Variants in SS18 observed in about 807,000 individuals in gnomAD.
SS18 encodes SS18 subunit of BAF chromatin remodeling complex.
In SS18, 28 loss-of-function variants were observed where a neutral mutation model predicts 72.5. The observed-to-expected ratio is 0.39, with a 90% CI of 0.29 to 0.53. The LOEUF (loss-of-function observed/expected upper bound fraction) is 0.53, where lower values mean the gene tolerates loss of function less well. Ranked by LOEUF, SS18 falls within the 20% of genes least tolerant of loss-of-function variation. The probability of loss-of-function intolerance (pLI) is 0.76; values close to 1 mark genes in which losing one functional copy is unlikely to be tolerated. For missense variants in SS18, 518 were observed against 535.3 expected (o/e 0.97, Z 0.32); for synonymous variants, 172 against 164.2 (o/e 1.05, Z -0.37).
chr18:26,058,736 A>ATTAGAAATAAATTAGAT (rs1568014665), intron 3 of SS18, among the ~76,000 whole-genome samples: 1 of 152,256 alleles, frequency 6.6e-6, no homozygotes, highest in Admixed American at 6.5e-5. Flanking sequence ...GAAATAAACA[A>ATTAGAAATAAATTAGAT]GTCTACTCTA....
In SS18 at chr18:26,018,265, G is replaced by A; in HGVS notation, c.*89C>T. The A allele has an allele frequency of 8.8e-7, 1 of 1,136,718 alleles. No homozygotes were observed. Among genetic ancestry groups the A allele is most frequent in the South Asian group, 1.5e-5 (1 of 67,874 alleles). The allele number at this position is 1,136,718 out of a possible 1,614,324, so 70.4% of individuals were successfully genotyped here. On this transcript the variant is annotated 3_prime_UTR_variant, in exon 11 of 11. Coordinates refer to ENST00000415083, the MANE Select transcript of SS18 (RefSeq NM_001007559.3). ...GTTTTTCCAAAAACTAGATGGAATG[G>A]AAGGATCTCTTCACAGGGAGGTGTC... is the stretch of plus-strand genomic sequence containing the variant.
chr18:26,072,796 CAAAAAAAAAAAAAAAA>C (rs71169810), intron 3 of SS18, among the ~76,000 whole-genome samples: 1 of 32,746 alleles, frequency 3.1e-5, no homozygotes. Flanking sequence ...GACTCCGTCT[CAAAAAAAAAAAAAAAA>C]AAAAAAAAAA....
intron 9 of SS18, among the ~76,000 whole-genome samples, chr18:26,034,346 G>T (rs1435941095): frequency 6.6e-6 from 1 of 152,150 alleles, no homozygotes; most frequent in African/African-American, 2.4e-5. Context: ...ATAGTAGCCT[G>T]AGAGTTAAGA....
chr18:26,055,576 A>G (rs1468865935), intron 4 of SS18, among the ~76,000 whole-genome samples: 1 of 152,176 alleles, frequency 6.6e-6, no homozygotes, highest in Non-Finnish European at 1.5e-5. Context: ...TACATAATGA[A>G]ATATACATTA....
Position 26,035,981 on chromosome 18 carries a change from T to C in SS18, c.881-58A>G. ...GTTAATGGCCACTGAGTGAAAACCCTAAAAATATTTAAACTTTCAGATAAA... is the reference window on the plus strand; with the variant it reads ...GTTAATGGCCACTGAGTGAAAACCCCAAAAATATTTAAACTTTCAGATAAA... On this transcript the variant is annotated intron_variant, in intron 7 of 10. Coordinates refer to ENST00000415083, the MANE Select transcript of SS18 (RefSeq NM_001007559.3). The surrounding 1 kb of genome is among the most constrained non-coding windows in gnomAD (Gnocchi z 4.4). 1 of 991,024 alleles carries C rather than the reference T, an allele frequency of 1.0e-6. No individual in the cohort carries two copies. The highest frequency in any genetic ancestry group is 1.5e-6 in the Non-Finnish European group (1 of 664,888). 61.4% of individuals were successfully genotyped at this position (991,024 alleles called of 1,614,324 possible).
At chr18:26,049,196 A>C (rs952253677) in intron 5 of SS18, among the ~76,000 whole-genome samples, 12 of 152,264 alleles carry the variant, frequency 7.9e-5, no homozygotes, top group Non-Finnish European at 1.5e-4. Flanking sequence ...ATAATGAAAA[A>C]TACACAGGTA....
intron 3 of SS18, among the ~76,000 whole-genome samples, chr18:26,062,094 G>T (rs1242783877): frequency 6.6e-6 from 1 of 151,836 alleles, no homozygotes; most frequent in Non-Finnish European, 1.5e-5. Flanking sequence ...AACCCAATCT[G>T]TACTAAAAAT....
intron 3 of SS18, among the ~76,000 whole-genome samples, chr18:26,071,933 A>T (rs142831284): frequency 1.7e-3 from 262 of 152,316 alleles, no homozygotes; most frequent in African/African-American, 5.7e-3. Context: ...GCAGTGCTAA[A>T]GGAAATACTA....
intron 5 of SS18, among the ~76,000 whole-genome samples, chr18:26,046,347 C>T (rs2053824097): frequency 6.7e-6 from 1 of 150,264 alleles, no homozygotes; most frequent in Non-Finnish European, 1.5e-5. Context: ...TAGAGTAAGT[C>T]TCTTTTCCAC....
At chr18:26,075,950 T>C (rs570594044) in intron 3 of SS18, among the ~76,000 whole-genome samples, 2 of 151,862 alleles carry the variant, frequency 1.3e-5, no homozygotes, top group South Asian at 2.1e-4. Flanking sequence ...AGACAAAGAT[T>C]CGATTTAAAA....
chr18:26,018,235 AC>A lies in SS18; in HGVS notation c.*118del, dbSNP rs1282972155. The A allele has an allele frequency of 2.4e-6, 2 of 850,046 alleles. No individual in the cohort carries two copies. The highest frequency in any genetic ancestry group is 3.7e-6 in the Non-Finnish European group (2 of 538,578). The allele number at this position is 850,046 out of a possible 1,614,324, so 52.7% of individuals were successfully genotyped here. ...TTACTGATGAAACAGCCACTTATCCACAAGGTTTTTCCAAAAACTAGATGGA... is the reference window on the plus strand; with the variant it reads ...TTACTGATGAAACAGCCACTTATCCAAAGGTTTTTCCAAAAACTAGATGGA... On this transcript the variant is annotated 3_prime_UTR_variant, in exon 11 of 11. Coordinates refer to ENST00000415083, the MANE Select transcript of SS18 (RefSeq NM_001007559.3).
chr18:26,080,521 A>G (rs2054498968), intron 2 of SS18: 1 of 247,328 alleles, frequency 4.0e-6, no homozygotes, highest in Non-Finnish European at 6.4e-6. Flanking sequence ...AAGGTCTCAT[A>G]TGTAAAATAA....
At chr18:26,068,488 T>C (rs993066930) in intron 3 of SS18, 2 of 152,192 alleles carry the variant, frequency 1.3e-5, no homozygotes, top group Non-Finnish European at 2.9e-5. Context: ...ACAAATGTAA[T>C]ACAACCTGCT....
At chr18:26,034,588 C>CA (rs60519717) in intron 9 of SS18, among the ~76,000 whole-genome samples, 6,284 of 133,754 alleles carry the variant, frequency 0.047, 355 homozygotes, top group African/African-American at 0.14. Flanking sequence ...CATTTGTACT[C>CA]AAAAAAAAAA....
At chr18:26,040,608 C>A (rs1363440595) in intron 5 of SS18, among the ~76,000 whole-genome samples, 1 of 152,138 alleles carries the variant, frequency 6.6e-6, no homozygotes, top group African/African-American at 2.4e-5. Flanking sequence ...ACAAGCCCAC[C>A]TCTTCAAATA....
intron 10 of SS18, among the ~76,000 whole-genome samples, chr18:26,032,157 G>C (rs148304611): frequency 9.9e-5 from 15 of 152,174 alleles, no homozygotes; most frequent in Non-Finnish European, 1.9e-4. Flanking sequence ...GAGAGAGACA[G>C]AATATATATG....
chr18:26,090,438 C>G, intron 1 of SS18, 63 bp downstream of exon 1: 1 of 1,511,086 alleles, frequency 6.6e-7, no homozygotes, highest in Non-Finnish European at 9.0e-7. Flanking sequence ...CGGCCCTTCC[C>G]CCCGCGTCTG....
At chr18:26,032,265 T>C in intron 10 of SS18, 134 bp downstream of exon 10, 4 of 1,027,008 alleles carry the variant, frequency 3.9e-6, no homozygotes, top group Non-Finnish European at 5.7e-6. Flanking sequence ...ACACTTTTTG[T>C]TAACAAATGT....
At chr18:26,055,237 C>G (rs188387896) in intron 4 of SS18, among the ~76,000 whole-genome samples, 1 of 151,868 alleles carries the variant, frequency 6.6e-6, no homozygotes, top group African/African-American at 2.4e-5. Flanking sequence ...GAGGCTGAAG[C>G]GGGTGGATCA....
Sources: allele counts gnomAD v4.1 joint callset (sites outside exome capture counted in the v4.1 genomes callset), GRCh38; gene constraint gnomAD v4.1.1; non-coding constraint Gnocchi (gnomAD v3.1); transcripts MANE v1.5; gene names NCBI Gene and HGNC (gene_info 2026-07-23, HGNC 2026-07-21).